Variants in GRIA4 observed in about 807,000 individuals in gnomAD.
GRIA4 encodes glutamate receptor 4.
GRIA4 carries 34 observed loss-of-function variants against 104.0 expected under a neutral mutation model. That is an observed-to-expected ratio of 0.33 (90% CI 0.25 to 0.44). The LOEUF (loss-of-function observed/expected upper bound fraction) is 0.44, where lower values mean the gene tolerates loss of function less well. Among genes scored for constraint, GRIA4 ranks in the 20% least tolerant of loss-of-function variants. The pLI, the probability that GRIA4 is intolerant of heterozygous loss-of-function variation, is 1.00. For missense variants in GRIA4, 750 were observed against 1,096.5 expected, an observed-to-expected ratio of 0.68 and a Z score of 4.46; for synonymous variants, 386 against 381.9, an observed-to-expected ratio of 1.01 and a Z score of -0.13.
At chr11:105,633,986 G>A (rs1172980225) in intron 3 of GRIA4, among the ~76,000 whole-genome samples, 2 of 152,078 alleles carry the variant, frequency 1.3e-5, no homozygotes, top group Non-Finnish European at 2.9e-5. Context: ...ATCTTCCTAA[G>A]TCTCAGTTTC....
intron 5 of GRIA4, among the ~76,000 whole-genome samples, chr11:105,867,627 G>A (rs1216568735): frequency 1.3e-5 from 2 of 152,072 alleles, no homozygotes; most frequent in African/African-American, 4.8e-5. Context: ...TAAAAGGAAA[G>A]GAACATTTTT....
chr11:105,757,249 G>A (rs1015956850), intron 4 of GRIA4, among the ~76,000 whole-genome samples: 10 of 152,068 alleles, frequency 6.6e-5, no homozygotes, highest in Admixed American at 5.9e-4. Context: ...TTATGTGTCC[G>A]GCTCCTTTAA....
chr11:105,620,908 T>TA (rs1565407822), intron 3 of GRIA4, among the ~76,000 whole-genome samples: 1 of 151,112 alleles, frequency 6.6e-6, no homozygotes, highest in Non-Finnish European at 1.5e-5. Context: ...TTCCATTTTT[T>TA]GGGGGGGGTC....
rs201061924 is a variant in GRIA4 at position 105,779,435 on chromosome 11, A to AC, written c.487+26216dup. Among the ~76,000 whole-genome samples the AC allele has an allele frequency of 9.5e-3, 1,442 of 151,928 alleles. 30 individuals are homozygous for AC. The highest frequency in any genetic ancestry group is 0.033 in the African/African-American group (1,374 of 41,450). ...GACTTTCTTCACAGAATTGGAAAAA[A>AC]CTACTTGATATTCCCCTTCCTGTGT... On this transcript the variant is annotated intron_variant, in intron 4 of 16. Coordinates refer to ENST00000282499, the MANE Select transcript of GRIA4 (RefSeq NM_000829.4).
At chr11:105,770,211 C>T (rs752887969) in intron 4 of GRIA4, among the ~76,000 whole-genome samples, 16 of 152,042 alleles carry the variant, frequency 1.1e-4, no homozygotes, top group East Asian at 7.7e-4. Context: ...TGTATCCTAA[C>T]GTCCCCAGTT....
intron 3 of GRIA4, among the ~76,000 whole-genome samples, chr11:105,681,756 A>G (rs1272862143): frequency 6.6e-6 from 1 of 152,156 alleles, no homozygotes; most frequent in Admixed American, 6.5e-5. Flanking sequence ...ATTTGATTAA[A>G]AACAGGCCGG....
chr11:105,928,404 T>C (rs1947778346), intron 13 of GRIA4, among the ~76,000 whole-genome samples: 1 of 151,998 alleles, frequency 6.6e-6, no homozygotes, highest in Non-Finnish European at 1.5e-5. Flanking sequence ...AACAATAGTC[T>C]ATGGATAAAC....
intron 4 of GRIA4, among the ~76,000 whole-genome samples, chr11:105,843,106 G>A (rs1565280511): frequency 6.6e-6 from 1 of 152,058 alleles, no homozygotes; most frequent in Non-Finnish European, 1.5e-5. Context: ...TTGTTTTTGG[G>A]GTTTTTCATT....
At chr11:105,774,524 C>A (rs914772491) in intron 4 of GRIA4, among the ~76,000 whole-genome samples, 1 of 152,030 alleles carries the variant, frequency 6.6e-6, no homozygotes, top group Non-Finnish European at 1.5e-5. Context: ...TTTTAACATT[C>A]ATCTTGAAGT....
intron 4 of GRIA4, among the ~76,000 whole-genome samples, chr11:105,857,345 C>T (rs1945044215): frequency 6.6e-6 from 1 of 152,038 alleles, no homozygotes; most frequent in African/African-American, 2.4e-5. Context: ...ACAAATTGTG[C>T]CAGACCAGAG....
intron 5 of GRIA4, among the ~76,000 whole-genome samples, chr11:105,886,805 C>T (rs1035308359): frequency 6.6e-6 from 1 of 151,200 alleles, no homozygotes; most frequent in Non-Finnish European, 1.5e-5. Flanking sequence ...GTTGTAATCT[C>T]TAATGCAAAA....
At chr11:105,965,088 T>C (rs603612) in intron 14 of GRIA4, among the ~76,000 whole-genome samples, 151,809 of 152,164 alleles carry the variant, frequency 1, 75,727 homozygotes, top group Middle Eastern at 1. Flanking sequence ...ATTACAGGCG[T>C]GAGCCACCGC....
At chr11:105,735,062 C>T (rs1433479547) in intron 3 of GRIA4, among the ~76,000 whole-genome samples, 1 of 152,138 alleles carries the variant, frequency 6.6e-6, no homozygotes, top group Non-Finnish European at 1.5e-5. Context: ...TGTATGTTCT[C>T]AGCCCCCAAC....
At position 105,824,461 on chromosome 11, in the gene GRIA4, C is replaced by T. The variant is rs995551951; in HGVS notation, c.488-37563C>T. Among the ~76,000 whole-genome samples the T allele has an allele frequency of 9.9e-5, 15 of 152,218 alleles. 1 individual carries two copies. In the East Asian group the frequency reaches 2.5e-3, roughly 26 times the overall value. On this transcript the variant is annotated intron_variant, in intron 4 of 16. Transcript: ENST00000282499. ...CTATCACAAAACACACCCACCTACA[C>T]GTGTTGCTTCCCCAATATTCACAAT...
At chr11:105,675,381 T>C (rs896143882) in intron 3 of GRIA4, among the ~76,000 whole-genome samples, 24 of 151,912 alleles carry the variant, frequency 1.6e-4, no homozygotes, top group Admixed American at 1.6e-3. Flanking sequence ...TTTATTGACA[T>C]GGTAAACAAA....
At chr11:105,625,432 T>A (rs997718679) in intron 3 of GRIA4, among the ~76,000 whole-genome samples, 1 of 152,090 alleles carries the variant, frequency 6.6e-6, no homozygotes, top group Non-Finnish European at 1.5e-5. Context: ...TCACATTTTT[T>A]AAAAACAGGT....
chr11:105,878,635 G>C (rs989352640), intron 5 of GRIA4, among the ~76,000 whole-genome samples: 1 of 152,236 alleles, frequency 6.6e-6, no homozygotes, highest in Non-Finnish European at 1.5e-5. Flanking sequence ...AATCTAGAGA[G>C]GGAGTCTGGC....
At chr11:105,694,313 C>A (rs564654251) in intron 3 of GRIA4, among the ~76,000 whole-genome samples, 1 of 152,106 alleles carries the variant, frequency 6.6e-6, no homozygotes, top group East Asian at 1.9e-4. Flanking sequence ...CTATGCCCAG[C>A]TAATTTTTGT....
intron 9 of GRIA4, among the ~76,000 whole-genome samples, chr11:105,908,731 G>A (rs1013865254): frequency 6.6e-6 from 1 of 152,002 alleles, no homozygotes; most frequent in Non-Finnish European, 1.5e-5. Context: ...AAAATGTCAA[G>A]GTCTTGCCAA....
Sources: gnomAD v4.1 joint callset for allele counts (sites outside exome capture counted in the v4.1 genomes callset) on GRCh38, gnomAD v4.1.1 for gene constraint, MANE v1.5 for transcripts, NCBI Gene and HGNC (gene_info 2026-07-23, HGNC 2026-07-21) for gene names.